OR51B5: variants seen among roughly 807,000 people sequenced by gnomAD.
OR51B5 encodes olfactory receptor 51B5.
For synonymous variants in OR51B5, 186 were observed against 144.8 expected (o/e 1.28, Z -2.04); for missense variants, 456 against 374.6 (o/e 1.22, Z -1.79).
chr11:5,389,559 A>ATTGT, intron 1 of OR51B5: 2 of 1,613,918 alleles, frequency 1.2e-6, no homozygotes, highest in Non-Finnish European at 8.5e-7. Flanking sequence ...ATCTCAGGCA[A>ATTGT]TTGTTTCATT....
chr11:5,477,586 T>C (rs973966511), intron 1 of OR51B5, among the ~76,000 whole-genome samples: 1 of 152,162 alleles, frequency 6.6e-6, no homozygotes, highest in African/African-American at 2.4e-5. Context: ...ATTTCTGCAT[T>C]TCCATCTGAG....
chr11:5,372,738 A>G (rs1352623641), intron 1 of OR51B5, among the ~76,000 whole-genome samples: 1 of 152,178 alleles, frequency 6.6e-6, no homozygotes, highest in Non-Finnish European at 1.5e-5. Context: ...TTTGCTGTGC[A>G]GAAAATATTT....
At chr11:5,455,568 A>AGAGAGGGAGAGAGAGG (rs61289313) in intron 1 of OR51B5, 3 of 135,318 alleles carry the variant, frequency 2.2e-5, no homozygotes, top group African/African-American at 8.4e-5. Context: ...AAGGGGGGAG[A>AGAGAGGGAGAGAGAGG]GAGAGAGAGA....
upstream of OR51B5, among the ~76,000 whole-genome samples, chr11:5,347,789 G>A (rs1169589310): frequency 6.6e-6 from 1 of 152,034 alleles, no homozygotes; most frequent in Non-Finnish European, 1.5e-5. Flanking sequence ...AGGGAAGAGA[G>A]GAGGGAGCAG....
chr11:5,343,961 C>T (rs111703090), upstream of OR51B5, among the ~76,000 whole-genome samples: 147 of 152,286 alleles, frequency 9.7e-4, no homozygotes, highest in African/African-American at 3.4e-3. Context: ...AGTAGTGATC[C>T]CTAATCCACA....
chr11:5,443,068 A>T (rs958285616), intron 1 of OR51B5, among the ~76,000 whole-genome samples: 2 of 152,144 alleles, frequency 1.3e-5, no homozygotes, highest in African/African-American at 4.8e-5. Context: ...AGAATGATGC[A>T]AACTGAGAAG....
intron 1 of OR51B5, among the ~76,000 whole-genome samples, chr11:5,381,884 G>C (rs1260913827): frequency 2.6e-5 from 4 of 152,132 alleles, no homozygotes; most frequent in African/African-American, 7.2e-5. Context: ...GTTTAAAAAA[G>C]TAAGCAAATA....
chr11:5,468,150 T>C (rs778304585), intron 1 of OR51B5, among the ~76,000 whole-genome samples: 11 of 152,204 alleles, frequency 7.2e-5, no homozygotes, highest in Non-Finnish European at 1.0e-4. Context: ...ATATAACGAA[T>C]GTATGCATTA....
At chr11:5,444,528 G>A (rs1564815724) in intron 1 of OR51B5, among the ~76,000 whole-genome samples, 1 of 152,114 alleles carries the variant, frequency 6.6e-6, no homozygotes, top group Non-Finnish European at 1.5e-5. Context: ...AGGCTGCCTG[G>A]AATTTTGGCA....
intron 1 of OR51B5, chr11:5,390,422 C>A: frequency 6.8e-7 from 1 of 1,478,196 alleles, no homozygotes; most frequent in Non-Finnish European, 9.0e-7. Context: ...TAAGAAGGCC[C>A]CAAATTGGAC....
intron 1 of OR51B5, among the ~76,000 whole-genome samples, chr11:5,439,502 T>A (rs2133774502): frequency 6.6e-6 from 1 of 152,298 alleles, no homozygotes; most frequent in African/African-American, 2.4e-5. Flanking sequence ...CAGTTATCTG[T>A]AACCAATATT....
At position 5,450,804 on chromosome 11, in the gene OR51B5, G is replaced by A. The variant is rs531119270; in HGVS notation, n.84+54765C>T. On this transcript the variant is annotated intron_variant and non_coding_transcript_variant, in intron 1 of 4. Coordinates refer to the OR51B5 transcript ENST00000415970. ...GTCACTGTTCAACTCCCGCTTATGA[G>A]TGAGAGCATGCGGTGTTTGGTTTTC... Among the ~76,000 whole-genome samples, 9 of 152,304 alleles carry A rather than the reference G, an allele frequency of 5.9e-5. No homozygotes were observed. In the South Asian group the frequency reaches 1.7e-3, roughly 28 times the overall value.
intron 1 of OR51B5, among the ~76,000 whole-genome samples, chr11:5,472,433 C>T (rs1306815317): frequency 6.6e-6 from 1 of 152,076 alleles, no homozygotes; most frequent in African/African-American, 2.4e-5. Context: ...GAAGTGTCCA[C>T]TGAAGGGAGA....
intron 1 of OR51B5, chr11:5,441,405 T>C (rs776002909): frequency 6.2e-7 from 1 of 1,613,770 alleles, no homozygotes; most frequent in African/African-American, 1.3e-5. Flanking sequence ...GGAGATCATG[T>C]AGAGGATGCA....
chr11:5,399,899 T>C (rs760715485), intron 1 of OR51B5, among the ~76,000 whole-genome samples: 2 of 152,078 alleles, frequency 1.3e-5, no homozygotes, highest in African/African-American at 2.4e-5. Context: ...TATCCGGTTA[T>C]TTGAGGTGTG....
chr11:5,358,320 G>T (rs1351520251), intron 1 of OR51B5, among the ~76,000 whole-genome samples: 3 of 151,482 alleles, frequency 2.0e-5, no homozygotes, highest in African/African-American at 7.3e-5. Context: ...TATCACCACC[G>T]ATCCCACAGA....
chr11:5,477,789 T>C (rs574174804), intron 1 of OR51B5, among the ~76,000 whole-genome samples: 4 of 152,268 alleles, frequency 2.6e-5, no homozygotes, highest in African/African-American at 7.2e-5. Context: ...CACCTGAATA[T>C]TGCGCTTTTC....
intron 1 of OR51B5, among the ~76,000 whole-genome samples, chr11:5,371,254 T>C (rs728925): frequency 0.11 from 16,800 of 152,156 alleles, 1,054 homozygotes; most frequent in South Asian, 0.15. Context: ...TTTCCCCGGA[T>C]CTAGGGTCTT....
At chr11:5,372,844 G>A (rs980406676) in intron 1 of OR51B5, among the ~76,000 whole-genome samples, 1 of 152,074 alleles carries the variant, frequency 6.6e-6, no homozygotes, top group Non-Finnish European at 1.5e-5. Context: ...TGAAACCACA[G>A]AACACCCCCA....
Sources: allele counts gnomAD v4.1 joint callset (sites outside exome capture counted in the v4.1 genomes callset), GRCh38; gene constraint gnomAD v4.1.1; transcripts MANE v1.5; gene names NCBI Gene and HGNC (gene_info 2026-07-23, HGNC 2026-07-21).